Variants in TMTC2 observed in about 807,000 individuals in gnomAD.
TMTC2 encodes the protein protein O-mannosyl-transferase TMTC2.
Under a neutral mutation model 82.4 loss-of-function variants are expected in TMTC2, and 43 were observed. That is an observed-to-expected ratio of 0.52 (90% CI 0.41 to 0.67). The LOEUF (loss-of-function observed/expected upper bound fraction) is 0.67, where lower values mean the gene tolerates loss of function less well. TMTC2 is among the 30% of genes least tolerant of loss of function. The pLI, the probability that TMTC2 is intolerant of heterozygous loss-of-function variation, is 0.00. For missense variants in TMTC2, 919 were observed against 1,012.4 expected (o/e 0.91, Z 1.25); for synonymous variants, 408 against 381.9 (o/e 1.07, Z -0.80).
chr12:82,724,005 C>T (rs977451767), intron 1 of TMTC2, among the ~76,000 whole-genome samples: 1 of 152,126 alleles, frequency 6.6e-6, no homozygotes. Context: ...CTTCTGATTT[C>T]CTTGTCAGTA....
At chr12:83,080,185 C>A (rs983882396) in intron 11 of TMTC2, among the ~76,000 whole-genome samples, 1 of 152,170 alleles carries the variant, frequency 6.6e-6, no homozygotes, top group Non-Finnish European at 1.5e-5. Flanking sequence ...AGTACCACAT[C>A]ATTACTTTAA....
At chr12:82,851,003 G>T (rs1870945440) in intron 1 of TMTC2, among the ~76,000 whole-genome samples, 1 of 152,082 alleles carries the variant, frequency 6.6e-6, no homozygotes, top group African/African-American at 2.4e-5. Context: ...GGCAGAGGTT[G>T]CAGTGAGCTG....
chr12:82,952,241 A>G (rs1342541428), intron 4 of TMTC2, among the ~76,000 whole-genome samples: 1 of 152,150 alleles, frequency 6.6e-6, no homozygotes, highest in African/African-American at 2.4e-5. Context: ...GTTCTTTTGG[A>G]CAAACTGATA....
At chr12:82,954,032 G>A (rs1250411796) in intron 4 of TMTC2, among the ~76,000 whole-genome samples, 1 of 151,862 alleles carries the variant, frequency 6.6e-6, no homozygotes, top group African/African-American at 2.4e-5. Flanking sequence ...TTTTTGTCCA[G>A]GGAATAGCCA....
chr12:82,722,929 G>C (rs918271842), intron 1 of TMTC2, among the ~76,000 whole-genome samples: 3 of 152,158 alleles, frequency 2.0e-5, no homozygotes, highest in African/African-American at 7.2e-5. Flanking sequence ...AAGAAACAAA[G>C]TGGATTTCAA....
intron 11 of TMTC2, among the ~76,000 whole-genome samples, chr12:83,107,470 T>C (rs1266297176): frequency 6.6e-6 from 1 of 152,178 alleles, no homozygotes; most frequent in African/African-American, 2.4e-5. Flanking sequence ...GTCACTTTTC[T>C]TCTCTTTAAA....
chr12:83,061,385 G>A (rs917132505), intron 10 of TMTC2, among the ~76,000 whole-genome samples: 2 of 151,742 alleles, frequency 1.3e-5, no homozygotes, highest in Non-Finnish European at 2.9e-5. Context: ...TTTATAAAAC[G>A]AAAGCAATAA....
intron 4 of TMTC2, among the ~76,000 whole-genome samples, chr12:82,959,408 A>G (rs1292032973): frequency 1.3e-5 from 2 of 152,196 alleles, no homozygotes; most frequent in Non-Finnish European, 2.9e-5. Context: ...GCATTGCATT[A>G]TTCAACCTGA....
At chr12:82,842,145 C>T (rs1301641375) in intron 1 of TMTC2, among the ~76,000 whole-genome samples, 1 of 152,148 alleles carries the variant, frequency 6.6e-6, no homozygotes. Flanking sequence ...TCCTTTCTGC[C>T]TCTTATTAAG....
chr12:83,084,679 G>A (rs1189680009), intron 11 of TMTC2, among the ~76,000 whole-genome samples: 5 of 152,162 alleles, frequency 3.3e-5, no homozygotes, highest in East Asian at 3.9e-4. Context: ...GCTATTGTCT[G>A]TGGATGACCT....
At chr12:82,872,005 A>ACCT (rs1872211173) in intron 2 of TMTC2, among the ~76,000 whole-genome samples, 1 of 95,698 alleles carries the variant, frequency 1.0e-5, no homozygotes, top group African/African-American at 3.9e-5. Flanking sequence ...GTTGAACAAC[A>ACCT]CCCCCCCCCC....
At chr12:82,842,526 T>C (rs1158388522) in intron 1 of TMTC2, among the ~76,000 whole-genome samples, 7 of 152,224 alleles carry the variant, frequency 4.6e-5, no homozygotes, top group Non-Finnish European at 1.0e-4. Flanking sequence ...AATGTAGTTT[T>C]CCTGAAACTG....
At chr12:82,931,917 G>A (rs1003779120) in intron 4 of TMTC2, among the ~76,000 whole-genome samples, 6 of 152,184 alleles carry the variant, frequency 3.9e-5, no homozygotes, top group Admixed American at 2.6e-4. Context: ...GAGGGGCAAC[G>A]AGTCACTTCC....
At chr12:82,704,427 G>A (rs1158224920) in intron 1 of TMTC2, among the ~76,000 whole-genome samples, 3 of 152,048 alleles carry the variant, frequency 2.0e-5, no homozygotes, top group Admixed American at 2.0e-4. Flanking sequence ...ACATATAAAA[G>A]TAGAGTAAAT....
chr12:83,047,164 A>G (rs1011228234), intron 9 of TMTC2, among the ~76,000 whole-genome samples: 1 of 152,218 alleles, frequency 6.6e-6, no homozygotes, highest in Admixed American at 6.5e-5. Flanking sequence ...GGGAAGCCCA[A>G]TTAATAGTTT....
At chr12:82,890,617 A>T (rs1350623540) in intron 2 of TMTC2, among the ~76,000 whole-genome samples, 1 of 151,802 alleles carries the variant, frequency 6.6e-6, no homozygotes, top group Non-Finnish European at 1.5e-5. Flanking sequence ...AGAATCACCT[A>T]TGAGATTTTA....
intron 11 of TMTC2, among the ~76,000 whole-genome samples, chr12:83,116,478 G>C (rs1884766048): frequency 6.6e-6 from 1 of 152,182 alleles, no homozygotes; most frequent in South Asian, 2.1e-4. Flanking sequence ...GGATCAAATG[G>C]TAGATGTACT....
At chr12:82,758,781 G>A (rs1243507625) in intron 1 of TMTC2, 7 of 152,144 alleles carry the variant, frequency 4.6e-5, no homozygotes, top group Non-Finnish European at 5.9e-5. Context: ...ATGGTATCAT[G>A]AAATAATTTT....
At chr12:82,823,001 AG>A (rs2137065578) in intron 1 of TMTC2, among the ~76,000 whole-genome samples, 1 of 152,340 alleles carries the variant, frequency 6.6e-6, no homozygotes, top group African/African-American at 2.4e-5. Flanking sequence ...CATTTAAAAA[AG>A]CTTCTTTGAA....
Sources: gnomAD v4.1 joint callset for allele counts (sites outside exome capture counted in the v4.1 genomes callset) on GRCh38, gnomAD v4.1.1 for gene constraint, MANE v1.5 for transcripts, NCBI Gene and HGNC (gene_info 2026-07-23, HGNC 2026-07-21) for gene names.